MGA: variants seen among roughly 807,000 people sequenced by gnomAD.
The protein encoded by MGA is MAX gene-associated protein.
A neutral mutation model predicts 261.1 loss-of-function variants in MGA; 40 were observed. That is an observed-to-expected ratio of 0.15 (90% CI 0.12 to 0.20). MGA has a LOEUF of 0.20. Among genes scored for constraint, MGA ranks in the 10% least tolerant of loss-of-function variants. The pLI is 1.00. For synonymous variants in MGA, 1,302 were observed against 1,290.6 expected (o/e 1.01, Z -0.19); for missense variants, 3,397 against 3,630.5 (o/e 0.94, Z 1.65).
At chr15:41,729,019 C>T in intron 10 of MGA, 145 bp from the exon 11 acceptor site, 6 of 785,504 alleles carry the variant, frequency 7.6e-6, no homozygotes, top group Non-Finnish European at 1.2e-5. Flanking sequence ...CACATATGAA[C>T]TGTACTTGTG....
At chr15:41,697,143 G>T in intron 3 of MGA, 120 bp downstream of exon 3, 3 of 859,510 alleles carry the variant, frequency 3.5e-6, no homozygotes, top group Non-Finnish European at 3.4e-6. Context: ...AGGGTGTATG[G>T]GGGGTGGAGT....
Position 41,742,449 on chromosome 15 carries a change from T to C in MGA, c.4586-97T>C, listed in dbSNP as rs564595356. The C allele has an allele frequency of 3.7e-5, 52 of 1,402,324 alleles. No homozygotes were observed. The African/African-American group carries it at 7.3e-4, about 20-fold the overall frequency. The allele number at this position is 1,402,324 out of a possible 1,614,324, so 86.9% of individuals were successfully genotyped here. ...CAGGTAGGTAGTACCTGTAAGAAAT[T>C]GACCCAGTAGTGCACAGTAAATGTC... On this transcript the variant is annotated intron_variant, in intron 14 of 23. Coordinates refer to ENST00000219905, the MANE Select transcript of MGA (RefSeq NM_001164273.2).
intron 13 of MGA, among the ~76,000 whole-genome samples, 171 bp from the exon 14 acceptor site, chr15:41,739,735 C>T (rs2061987825): frequency 6.6e-6 from 1 of 152,196 alleles, no homozygotes; most frequent in Admixed American, 6.5e-5. Flanking sequence ...CAGCATTTTT[C>T]TACCTTCTGA....
chr15:41,650,298 C>T (rs982528545), intron 1 of MGA, among the ~76,000 whole-genome samples: 1 of 152,076 alleles, frequency 6.6e-6, no homozygotes, highest in African/African-American at 2.4e-5. Flanking sequence ...TGTCATGTGC[C>T]TTTGCATAAG....
intron 1 of MGA, among the ~76,000 whole-genome samples, chr15:41,642,496 A>ATTC (rs2056842668): frequency 6.7e-6 from 1 of 150,122 alleles, no homozygotes; most frequent in Non-Finnish European, 1.5e-5. Context: ...TATTATTATT[A>ATTC]TTATTTTAGA....
chr15:41,718,759 A>G (rs1321652835), intron 9 of MGA: 2 of 170,632 alleles, frequency 1.2e-5, no homozygotes, highest in Non-Finnish European at 2.5e-5. Flanking sequence ...ATAGCAAGGA[A>G]TTTTCTCAAC....
rs2063792840 is a variant in MGA at position 41,766,246 on chromosome 15, A to C, written c.8164A>C (p.Asn2722His). ...GGGTCCAACGCAGGTTTTTCTGGCA[A>C]ACAAAGATTCTGGTTATCCACAAAT... is the stretch of plus-strand genomic sequence containing the variant. Residue 2722 changes from asparagine (N) to histidine (H), a missense_variant, in exon 24 of 24, where the codon AAC becomes CAC. This residue lies in a region of MGA where 647 missense variants were observed against 642.4 expected (regional missense o/e 1.01). Transcript: ENST00000219905. 2 of 1,613,916 alleles carry C rather than the reference A, an allele frequency of 1.2e-6. No individual in the cohort carries two copies. The highest frequency in any genetic ancestry group is 2.7e-5 in the African/African-American group (2 of 74,952).
chr15:41,695,688 T>C (rs2059521233), intron 2 of MGA, among the ~76,000 whole-genome samples: 1 of 152,230 alleles, frequency 6.6e-6, no homozygotes, highest in Non-Finnish European at 1.5e-5. Context: ...ATATTGAAAG[T>C]GAGTTTTTCA....
intron 22 of MGA, 95 bp from the exon 23 acceptor site, chr15:41,764,791 G>C: frequency 8.0e-7 from 1 of 1,254,436 alleles, no homozygotes; most frequent in Non-Finnish European, 1.1e-6. Context: ...TGATCTGCCT[G>C]CCTCAGCCTC....
intron 1 of MGA, among the ~76,000 whole-genome samples, chr15:41,624,483 T>C (rs1461674891): frequency 6.6e-6 from 1 of 150,718 alleles, no homozygotes; most frequent in Non-Finnish European, 1.5e-5. Context: ...AGAGTATGCC[T>C]GCCACCACAC....
intron 1 of MGA, among the ~76,000 whole-genome samples, chr15:41,640,712 T>G (rs1379229585): frequency 6.6e-6 from 1 of 152,002 alleles, no homozygotes; most frequent in Non-Finnish European, 1.5e-5. Context: ...AGAGACGGGG[T>G]TTTGCCATGT....
intron 1 of MGA, among the ~76,000 whole-genome samples, chr15:41,664,928 C>G (rs1327487129): frequency 1.3e-5 from 2 of 151,858 alleles, no homozygotes; most frequent in Non-Finnish European, 2.9e-5. Context: ...TACATTTTAT[C>G]TCTTTTAAAA....
intron 1 of MGA, among the ~76,000 whole-genome samples, chr15:41,650,534 T>G (rs2057021322): frequency 6.6e-6 from 1 of 152,048 alleles, no homozygotes; most frequent in Admixed American, 6.6e-5. Flanking sequence ...ACCTCCCTGG[T>G]TCAAGCAATT....
At chr15:41,707,588 A>T in intron 5 of MGA, 140 bp from the exon 6 acceptor site, 1 of 750,854 alleles carries the variant, frequency 1.3e-6, no homozygotes, top group Non-Finnish European at 2.1e-6. Flanking sequence ...TGTTTTTTTC[A>T]TTGTTTTTGC....
intron 2 of MGA, among the ~76,000 whole-genome samples, chr15:41,680,720 C>T (rs1425371830): frequency 6.6e-6 from 1 of 152,180 alleles, no homozygotes; most frequent in African/African-American, 2.4e-5. Flanking sequence ...ATGCCCTCTC[C>T]CCATGGAAAC....
chr15:41,748,838 A>C lies in MGA; in HGVS notation c.5414A>C (p.Asn1805Thr), dbSNP rs2062663148. 1.9e-6 allele frequency: 3 copies of C among 1,613,854 alleles called. No individual in the cohort carries two copies. The South Asian group carries it at 3.3e-5, about 18-fold the overall frequency. ...GGAATGAACTTATTCAGGCACCCTA[A>C]TGGGCAGATTGTCCAGCTTCTACCT... is the stretch of plus-strand genomic sequence containing the variant. Residue 1805 changes from asparagine to threonine, a missense_variant, in exon 16 of 24, where the codon AAT (asparagine) becomes ACT (threonine). This residue lies in a region of MGA where 1,410 missense variants were observed against 1,386.4 expected (regional missense o/e 1.02). Coordinates refer to ENST00000219905, the MANE Select transcript of MGA (RefSeq NM_001164273.2).
chr15:41,631,656 G>A (rs1252359944), intron 1 of MGA, among the ~76,000 whole-genome samples: 2 of 152,122 alleles, frequency 1.3e-5, no homozygotes, highest in Non-Finnish European at 2.9e-5. Context: ...ACTTAAAGGG[G>A]TGGAGGGGGA....
rs2062754950 is a variant in MGA, at chr15:41,750,191, A to G, written c.6584A>G (p.Lys2195Arg). 1 of 1,613,844 alleles carries G rather than the reference A, an allele frequency of 6.2e-7. No homozygotes were observed. The highest frequency in any genetic ancestry group is 1.3e-5 in the African/African-American group (1 of 74,940). ...GTTGGAGCTTCACAGGAATGTAAGA[A>G]AGAGGCAGACGAGCAGTTAATTAAA... The change falls in exon 17 of 24, where the codon AAA becomes AGA. Residue 2195 changes from lysine to arginine, a missense_variant. Transcript: ENST00000219905.
intron 1 of MGA, among the ~76,000 whole-genome samples, chr15:41,652,347 TCCTCTTCCCTCTCCCTTCTCC>T: frequency 8.3e-6 from 1 of 121,108 alleles, no homozygotes; most frequent in African/African-American, 3.1e-5. Flanking sequence ...CTCCCTTCTC[TCCTCTTCCCTCTCCCTTCTCC>T]CCTCTCCCCT....
Sources: allele counts gnomAD v4.1 joint callset (sites outside exome capture counted in the v4.1 genomes callset), GRCh38; gene constraint gnomAD v4.1.1; regional missense constraint gnomAD v4.1.1; transcripts MANE v1.5; gene names NCBI Gene and HGNC (gene_info 2026-07-23, HGNC 2026-07-21).